The following DRC11 variants were observed in gnomAD, a reference collection of about 807,000 sequenced individuals.
DRC11 encodes IQ and AAA domain-containing protein 1.
At chr2:236,484,131 T>C in the DRC11 span, among the ~76,000 whole-genome samples, 1 of 152,252 alleles carries the variant, frequency 6.6e-6, no homozygotes, top group Non-Finnish European at 1.5e-5. Flanking sequence ...TTACTTCTTA[T>C]GTTATTCTCT....
the DRC11 span, among the ~76,000 whole-genome samples, chr2:236,506,085 T>G: frequency 6.6e-6 from 1 of 152,246 alleles, no homozygotes; most frequent in African/African-American, 2.4e-5. The surrounding 1 kb of genome is among the most constrained non-coding windows in gnomAD (Gnocchi z 4.9). Context: ...TTCTCAGTTC[T>G]ACCCCAACTT....
the DRC11 span, chr2:236,380,444 C>T: frequency 2.7e-6 from 2 of 742,918 alleles, no homozygotes; most frequent in Admixed American, 2.5e-5. The surrounding 1 kb of genome is among the most constrained non-coding windows in gnomAD (Gnocchi z 4.9). Context: ...GAGGTGGCTC[C>T]CACCACTCCG....
the DRC11 span, among the ~76,000 whole-genome samples, chr2:236,475,403 A>G: frequency 6.6e-6 from 1 of 152,144 alleles, no homozygotes; most frequent in Non-Finnish European, 1.5e-5. This position sits in a 1 kb window ranked among gnomAD's most constrained non-coding sequence, Gnocchi z 4.8. Context: ...GGGTGATTCC[A>G]TATCTTGGCT....
chr2:236,314,874 T>C, the DRC11 span, among the ~76,000 whole-genome samples: 1 of 152,222 alleles, frequency 6.6e-6, no homozygotes, highest in Non-Finnish European at 1.5e-5. This position sits in a 1 kb window ranked among gnomAD's most constrained non-coding sequence, Gnocchi z 4.5. Flanking sequence ...TCTGTTCTTC[T>C]CAAATTGATC....
the DRC11 span, among the ~76,000 whole-genome samples, chr2:236,402,654 G>T: frequency 6.6e-6 from 1 of 152,130 alleles, no homozygotes; most frequent in African/African-American, 2.4e-5. The surrounding 1 kb of genome is among the most constrained non-coding windows in gnomAD (Gnocchi z 6.0). Flanking sequence ...ACACCAGGGG[G>T]CCCAAAGCCT....
At chr2:236,355,711 C>T in the DRC11 span, among the ~76,000 whole-genome samples, 1 of 150,216 alleles carries the variant, frequency 6.7e-6, no homozygotes, top group African/African-American at 2.5e-5. Flanking sequence ...ATGTATTACA[C>T]TAATTGTACA....
the DRC11 span, among the ~76,000 whole-genome samples, chr2:236,443,784 G>A: frequency 1.3e-5 from 2 of 152,152 alleles, no homozygotes; most frequent in Non-Finnish European, 1.5e-5. This position sits in a 1 kb window ranked among gnomAD's most constrained non-coding sequence, Gnocchi z 4.4. Flanking sequence ...CTAGATCTTT[G>A]AGGAATCGTC....
the DRC11 span, among the ~76,000 whole-genome samples, chr2:236,410,039 A>G: frequency 3.5e-3 from 528 of 151,206 alleles, 3 homozygotes; most frequent in African/African-American, 0.012. Flanking sequence ...TTTTGCATCA[A>G]TGTTCATCAA....
At chr2:236,440,853 A>G in the DRC11 span, among the ~76,000 whole-genome samples, 5 of 151,556 alleles carry the variant, frequency 3.3e-5, no homozygotes, top group African/African-American at 7.3e-5. Flanking sequence ...GTAAGACGGG[A>G]AAAAAAAATG....
chr2:236,502,304 C>T, the DRC11 span, among the ~76,000 whole-genome samples: 16 of 151,958 alleles, frequency 1.1e-4, no homozygotes, highest in Admixed American at 9.2e-4. Context: ...AAGGGCCAGG[C>T]GTGGTGGCTC....
chr2:236,404,978 G>C, the DRC11 span, among the ~76,000 whole-genome samples: 4 of 152,118 alleles, frequency 2.6e-5, no homozygotes, highest in Non-Finnish European at 5.9e-5. Flanking sequence ...GCTCTCTGGG[G>C]TCTCTTTCAC....
the DRC11 span, among the ~76,000 whole-genome samples, chr2:236,346,497 A>T: frequency 4.9e-4 from 74 of 152,306 alleles, no homozygotes; most frequent in African/African-American, 1.7e-3. Context: ...TGGGGGCTAC[A>T]ATCTGTGCTG....
the DRC11 span, among the ~76,000 whole-genome samples, chr2:236,329,562 C>A: frequency 6.6e-6 from 1 of 152,016 alleles, no homozygotes; most frequent in Non-Finnish European, 1.5e-5. Flanking sequence ...GTCGGAAGCA[C>A]AATTAGGTGA....
chr2:236,487,165 G>A, the DRC11 span, among the ~76,000 whole-genome samples: 1 of 152,182 alleles, frequency 6.6e-6, no homozygotes, highest in African/African-American at 2.4e-5. Flanking sequence ...ATTCTAGGTA[G>A]CAGGAATGTG....
At chr2:236,312,374 C>A in the DRC11 span, among the ~76,000 whole-genome samples, 1 of 152,034 alleles carries the variant, frequency 6.6e-6, no homozygotes, top group African/African-American at 2.4e-5. Context: ...ATTCTAATTG[C>A]AAATGTAGTG....
the DRC11 span, among the ~76,000 whole-genome samples, chr2:236,500,669 C>T: frequency 1.7e-4 from 26 of 152,148 alleles, no homozygotes; most frequent in Non-Finnish European, 3.5e-4. The surrounding 1 kb of genome is among the most constrained non-coding windows in gnomAD (Gnocchi z 6.3). Flanking sequence ...AGTCCATTCT[C>T]GCATTGCTAT....
the DRC11 span, chr2:236,343,756 G>C: frequency 7.7e-7 from 1 of 1,303,666 alleles, no homozygotes; most frequent in Non-Finnish European, 1.0e-6. The surrounding 1 kb of genome is among the most constrained non-coding windows in gnomAD (Gnocchi z 6.6). Context: ...GCCAGCAGAG[G>C]GAGTGAACTA....
the DRC11 span, among the ~76,000 whole-genome samples, chr2:236,448,230 C>G: frequency 6.6e-6 from 1 of 152,196 alleles, no homozygotes; most frequent in Non-Finnish European, 1.5e-5. The surrounding 1 kb of genome is among the most constrained non-coding windows in gnomAD (Gnocchi z 5.3). Flanking sequence ...AGTAAGACCA[C>G]TGGCTGTAAG....
chr2:236,502,403 C>T, the DRC11 span, among the ~76,000 whole-genome samples: 1 of 151,608 alleles, frequency 6.6e-6, no homozygotes, highest in Non-Finnish European at 1.5e-5. Flanking sequence ...ATGGTGAAAA[C>T]CCACCTCTAC....
Sources: gnomAD v4.1 joint callset for allele counts (sites outside exome capture counted in the v4.1 genomes callset) on GRCh38, gnomAD v4.1.1 for gene constraint, Gnocchi (gnomAD v3.1) non-coding constraint, MANE v1.5 for transcripts, NCBI Gene and HGNC (gene_info 2026-07-23, HGNC 2026-07-21) for gene names.